ATN1: variants seen among roughly 807,000 people sequenced by gnomAD.
ATN1 encodes atrophin-1.
ATN1 carries 19 observed loss-of-function variants against 85.8 expected under a neutral mutation model. The observed-to-expected ratio is 0.22, with a 90% confidence interval of 0.15 to 0.32. The LOEUF (loss-of-function observed/expected upper bound fraction) is 0.32, where lower values mean the gene tolerates loss of function less well. Among genes scored for constraint, ATN1 ranks in the 10% least tolerant of loss-of-function variants. The probability of loss-of-function intolerance (pLI) is 1.00; values close to 1 mark genes in which losing one functional copy is unlikely to be tolerated. For missense variants in ATN1, 1,453 were observed against 1,564.5 expected (o/e 0.93, Z 1.20); for synonymous variants, 674 against 657.0 (o/e 1.03, Z -0.39).
At position 6,937,367 on chromosome 12, in the gene ATN1, G is replaced by A. The variant is rs1945561774; in HGVS notation, c.2100G>A (p.Ala700=). Residue 700 remains alanine (A), a synonymous_variant, in exon 5 of 10, where the codon GCG becomes GCA. Transcript: ENST00000396684. This position sits in a 1 kb window ranked among gnomAD's most constrained non-coding sequence, Gnocchi z 6.0. ...TGGGACCTGGGCCCCTGCCACCTGC[G>A]GGGCCCTCAGGCCTGCCATCGCTGC... The part of the protein sequence containing the change: ...PTVGPGPLPP[A]GPSGLPSLPP... The A allele has an allele frequency of 3.2e-6, 5 of 1,550,280 alleles. No individual in the cohort carries two copies. The highest frequency in any genetic ancestry group is 2.4e-5 in the East Asian group (1 of 40,992).
chr12:6,937,705 C>G lies in ATN1; in HGVS notation c.2295-140C>G, dbSNP rs781966607. The G allele has an allele frequency of 4.9e-4, 711 of 1,439,110 alleles. 2 individuals carry two copies. In the African/African-American group the frequency reaches 9.1e-3, roughly 18 times the overall value. 89.1% of individuals were successfully genotyped at this position (1,439,110 alleles called of 1,614,324 possible). ...CCTCTCCTCCGTCCAGGCCTAGTGG[C>G]CAGTGAGGCCCGCAGCAGCTCACAG... On this transcript the variant is annotated intron_variant, in intron 5 of 9. Coordinates refer to ENST00000396684, the MANE Select transcript of ATN1 (RefSeq NM_001940.4). This position sits in a 1 kb window ranked among gnomAD's most constrained non-coding sequence, Gnocchi z 6.0.
Position 6,936,917 on chromosome 12 carries a change from C to T in ATN1, c.1650C>T (p.Pro550=). The change falls in exon 5 of 10, where the codon CCC becomes CCT. Residue 550 remains proline, a synonymous_variant. Transcript: ENST00000396684. ...RPYPPGPAHL[P]PPHSQVSYSQ... ...ACCCACCAGGGCCAGCACACCTGCC[C>T]CCACCTCACAGCCAGGTGTCCTACA... The T allele has an allele frequency of 2.5e-6, 4 of 1,614,116 alleles. No homozygotes were observed. Among genetic ancestry groups the T allele is most frequent in the Non-Finnish European group, 3.4e-6 (4 of 1,180,020 alleles).
At chr12:6,939,488 C>T (rs1945605288) in intron 7 of ATN1, among the ~76,000 whole-genome samples, 1 of 152,200 alleles carries the variant, frequency 6.6e-6, no homozygotes, top group African/African-American at 2.4e-5. Flanking sequence ...CTCCCAAGCC[C>T]TTCACAAACC....
intron 7 of ATN1, among the ~76,000 whole-genome samples, chr12:6,939,493 C>A (rs1945605418): frequency 6.6e-6 from 1 of 152,176 alleles, no homozygotes; most frequent in African/African-American, 2.4e-5. Flanking sequence ...AAGCCCTTCA[C>A]AAACCTGTCT....
Position 6,936,725 on chromosome 12 carries a change from GCAA to G in ATN1, c.1461_1463del (p.Gln502del), listed in dbSNP as rs199920334. 1,988 of 1,569,308 alleles carry G rather than the reference GCAA, an allele frequency of 1.3e-3. 3 individuals carry two copies. In the African/African-American group the frequency reaches 0.021, roughly 17 times the overall value. ...CACATCACCATCACCACCAGCAACA[GCAA>G]CAGCAGCAGCAGCAGCAGCAGCAGC... On this transcript the variant is annotated inframe_deletion, in exon 5 of 10. Coordinates refer to ENST00000396684, the MANE Select transcript of ATN1 (RefSeq NM_001940.4).
rs782609349 is a variant in ATN1, at chr12:6,936,334, C to T, written c.1067C>T (p.Pro356Leu). 3 of 1,613,838 alleles carry T rather than the reference C, an allele frequency of 1.9e-6. No homozygotes were observed. Among genetic ancestry groups the T allele is most frequent in the Non-Finnish European group, 2.5e-6 (3 of 1,179,950 alleles). Residue 356 changes from proline to leucine, a missense_variant, in exon 5 of 10, where the codon CCC becomes CTC. Pro to Leu is a moderately conservative substitution (Grantham distance 98). Transcript: ENST00000396684. ...PEKGPTLAPS[P>L]HSLPPASSSA... ...AAGGGCCCAACTCTGGCTCCTTCAC[C>T]CCACTCTCTGCCTCCTGCTTCCTCT...
rs1398582964 is a variant in ATN1 at position 6,938,490 on chromosome 12, C to A, written c.2527C>A (p.Gln843Lys). The change falls in exon 7 of 10, where the codon CAG becomes AAG. Residue 843 changes from glutamine to lysine, a missense_variant. Around this residue, in one of 6 missense-constraint regions of ATN1, gnomAD observed 990 missense variants for 914.8 expected, o/e 1.08. Transcript: ENST00000396684. ...TCCCTGTATCCCACAGAAGTTGGCTCAGGAGGGCCGTGCTCCGGTGGAATG... is the reference window on the plus strand; with the variant it reads ...TCCCTGTATCCCACAGAAGTTGGCTAAGGAGGGCCGTGCTCCGGTGGAATG... Reference protein sequence around the residue: ...RELERSVKLAQEGRAPVECPS... With the variant: ...RELERSVKLAKEGRAPVECPS... 1 of 1,604,836 alleles carries A rather than the reference C, an allele frequency of 6.2e-7. No homozygotes were observed. The highest frequency in any genetic ancestry group is 2.2e-5 in the East Asian group (1 of 44,604).
At chr12:6,932,406 C>T (rs1411952027) in intron 1 of ATN1, among the ~76,000 whole-genome samples, 5 of 152,156 alleles carry the variant, frequency 3.3e-5, no homozygotes, top group African/African-American at 1.2e-4. Flanking sequence ...AGAGCGCACA[C>T]ACATCAGTGG....
chr12:6,942,068 A>G lies in ATN1; in HGVS notation c.*288A>G. The G allele has an allele frequency of 2.0e-6, 1 of 503,572 alleles. No homozygotes were observed. The highest frequency in any genetic ancestry group is 3.6e-6 in the Non-Finnish European group (1 of 277,598). The allele number at this position is 503,572 out of a possible 1,614,324, so 31.2% of individuals were successfully genotyped here. Reference sequence around the variant, plus strand: ...CTGCTTTTCTCCTCCCCCATGCCCAACCCCTGTGGCCGCCGCCCCTCCCCT... The same window carrying G: ...CTGCTTTTCTCCTCCCCCATGCCCAGCCCCTGTGGCCGCCGCCCCTCCCCT... On this transcript the variant is annotated 3_prime_UTR_variant, in exon 10 of 10. Transcript: ENST00000396684.
rs1945504953 is a variant in ATN1, at chr12:6,934,422, G to A, written c.166-43G>A. The A allele has an allele frequency of 6.2e-7, 1 of 1,605,568 alleles. No homozygotes were observed. The highest frequency in any genetic ancestry group is 1.3e-5 in the African/African-American group (1 of 74,646). On this transcript the variant is annotated intron_variant, in intron 3 of 9. Coordinates refer to ENST00000396684, the MANE Select transcript of ATN1 (RefSeq NM_001940.4). The surrounding 1 kb of genome is among the most constrained non-coding windows in gnomAD (Gnocchi z 4.5). Reference sequence around the variant, plus strand: ...TGGCAGAGGGTAACGGTGGAGCTCGGGAGGTAGGGAAAAGACAGGAATTTT... The same window carrying A: ...TGGCAGAGGGTAACGGTGGAGCTCGAGAGGTAGGGAAAAGACAGGAATTTT...
In ATN1 at chr12:6,937,517, T is replaced by C; in HGVS notation, c.2250T>C (p.Pro750=). 6.5e-7 allele frequency: 1 copy of C among 1,538,602 alleles called. No homozygotes were observed. The highest frequency in any genetic ancestry group is 2.1e-5 in the Admixed American group (1 of 48,340). ...PVPPARSPSP[P]PKVVDVPSHA... Reference sequence around the variant, plus strand: ...CCCCAGCCCGCAGCCCCTCGCCCCCTCCCAAGGTGGTAGATGTACCCAGCC... The same window carrying C: ...CCCCAGCCCGCAGCCCCTCGCCCCCCCCCAAGGTGGTAGATGTACCCAGCC... Residue 750 remains proline (P), a synonymous_variant, in exon 5 of 10, where the codon CCT becomes CCC. Coordinates refer to ENST00000396684, the MANE Select transcript of ATN1 (RefSeq NM_001940.4). This position sits in a 1 kb window ranked among gnomAD's most constrained non-coding sequence, Gnocchi z 6.0.
At chr12:6,930,439 G>A (rs782643539) in intron 1 of ATN1, among the ~76,000 whole-genome samples, 4 of 152,112 alleles carry the variant, frequency 2.6e-5, no homozygotes, top group African/African-American at 9.7e-5. Flanking sequence ...TCTTACTTAG[G>A]GGCTCTTTTT....
Position 6,933,871 on chromosome 12 carries a change from C to T in ATN1, c.-131C>T. On this transcript the variant is annotated 5_prime_UTR_variant, in exon 2 of 10. Transcript: ENST00000396684. ...TTGAAAACAGATCCTGCAAAAGTTCCAGGTGCCCACACTGGAAACTTGGAG... is the reference window on the plus strand; with the variant it reads ...TTGAAAACAGATCCTGCAAAAGTTCTAGGTGCCCACACTGGAAACTTGGAG... 6 of 1,078,204 alleles carry T rather than the reference C, an allele frequency of 5.6e-6. No homozygotes were observed. The East Asian group carries it at 7.7e-5, about 14-fold the overall frequency. The allele number at this position is 1,078,204 out of a possible 1,614,324, so 66.8% of individuals were successfully genotyped here. A position where few individuals can be genotyped will look rare whatever the true frequency, so the allele number is the denominator to read the frequency against.
upstream of ATN1, among the ~76,000 whole-genome samples, chr12:6,926,100 G>A (rs1555142566): frequency 6.6e-6 from 1 of 152,198 alleles, no homozygotes; most frequent in Non-Finnish European, 1.5e-5. Context: ...TTCACGGCCG[G>A]GAGCAGACTG....
Position 6,936,510 on chromosome 12 carries a change from C to A in ATN1, c.1243C>A (p.Pro415Thr). 4 of 1,604,424 alleles carry A rather than the reference C, an allele frequency of 2.5e-6. No homozygotes were observed. Among genetic ancestry groups the A allele is most frequent in the Non-Finnish European group, 3.4e-6 (4 of 1,178,082 alleles). Reference sequence around the variant, plus strand: ...CAGCTACCCCCACTCTTTCCCTCCCCCAACAAGCCTCTCTGTCTCCAATCA... The same window carrying A: ...CAGCTACCCCCACTCTTTCCCTCCCACAACAAGCCTCTCTGTCTCCAATCA... Reference protein sequence around the residue: ...LPSYPHSFPPPTSLSVSNQPP... With the variant: ...LPSYPHSFPPTTSLSVSNQPP... The change falls in exon 5 of 10, where the codon CCA (proline) becomes ACA (threonine). Residue 415 changes from proline (P) to threonine (T), a missense_variant. Around this residue, in one of 6 missense-constraint regions of ATN1, gnomAD observed 990 missense variants for 914.8 expected, o/e 1.08. Transcript: ENST00000396684.
Position 6,938,062 on chromosome 12 carries a change from A to G in ATN1, c.2512A>G (p.Ser838Gly), listed in dbSNP as rs1945577046. The change falls in exon 6 of 10, where the codon AGC becomes GGC. Residue 838 changes from serine to glycine, a missense_variant. Around this residue, in one of 6 missense-constraint regions of ATN1, gnomAD observed 990 missense variants for 914.8 expected, o/e 1.08. Transcript: ENST00000396684. ...CGAGAAGGAGCGCGAGCTTGAACGC[A>G]GCGTGGTGAGTGCGTCACTGCCTGC... ...EREKERELER[S>G]VKLAQEGRAP... The G allele has an allele frequency of 6.5e-7, 1 of 1,543,452 alleles. No individual in the cohort carries two copies. The highest frequency in any genetic ancestry group is 1.2e-5 in the South Asian group (1 of 83,718).
At position 6,942,097 on chromosome 12, in the gene ATN1, C is replaced by T; in HGVS notation, c.*317C>T. 2.2e-6 allele frequency: 1 copy of T among 460,738 alleles called. No individual in the cohort carries two copies. The highest frequency in any genetic ancestry group is 4.0e-6 in the Non-Finnish European group (1 of 250,810). 28.5% of individuals were successfully genotyped at this position (460,738 alleles called of 1,614,324 possible). On this transcript the variant is annotated 3_prime_UTR_variant, in exon 10 of 10. Coordinates refer to ENST00000396684, the MANE Select transcript of ATN1 (RefSeq NM_001940.4). Reference sequence around the variant, plus strand: ...CTGTGGCCGCCGCCCCTCCCCTGCCCCGTTGGTGTGATTATTTCATCTGTT... The same window carrying T: ...CTGTGGCCGCCGCCCCTCCCCTGCCTCGTTGGTGTGATTATTTCATCTGTT...
chr12:6,930,732 C>T (rs1215497495), intron 1 of ATN1, among the ~76,000 whole-genome samples: 1 of 152,092 alleles, frequency 6.6e-6, no homozygotes, highest in Non-Finnish European at 1.5e-5. Context: ...GGAGGTGGAG[C>T]TTGCAGTGAG....
At chr12:6,925,599 A>G (rs782398205), upstream of ATN1, among the ~76,000 whole-genome samples, 41 of 152,274 alleles carry the variant, frequency 2.7e-4, no homozygotes, top group South Asian at 8.3e-3. Flanking sequence ...GTGAGTGCCA[A>G]CCAATTCAAG....
Sources: allele counts gnomAD v4.1 joint callset (sites outside exome capture counted in the v4.1 genomes callset), GRCh38; gene constraint gnomAD v4.1.1; regional missense constraint gnomAD v4.1.1; non-coding constraint Gnocchi (gnomAD v3.1); transcripts MANE v1.5; gene names NCBI Gene and HGNC (gene_info 2026-07-23, HGNC 2026-07-21).